The following PCDHGA1 variants were observed in gnomAD, a reference collection of about 807,000 sequenced individuals.
PCDHGA1 encodes protocadherin gamma subfamily A, 1, also known as protocadherin gamma-A1.
A neutral mutation model predicts 58.0 loss-of-function variants in PCDHGA1; 32 were observed. That is an observed-to-expected ratio of 0.55 (90% CI 0.42 to 0.74). PCDHGA1 has a LOEUF of 0.74. Among genes scored for constraint, PCDHGA1 ranks in the 30% least tolerant of loss-of-function variants. The pLI, the probability that PCDHGA1 is intolerant of heterozygous loss-of-function variation, is 0.00. For synonymous variants in PCDHGA1, 498 were observed against 501.1 expected (o/e 0.99, Z 0.08); for missense variants, 1,205 against 1,182.3 (o/e 1.02, Z -0.28).
Position 141,486,446 on chromosome 5 carries a change from G to T in PCDHGA1, c.2422-8361G>T. ...GGCCAAATCTAGCTATGACATCATGGTCACTGCTTCTGATGCTGGGAACCC... is the reference window on the plus strand; with the variant it reads ...GGCCAAATCTAGCTATGACATCATGTTCACTGCTTCTGATGCTGGGAACCC... On this transcript the variant is annotated intron_variant, in intron 1 of 3. Coordinates refer to ENST00000517417, the MANE Select transcript of PCDHGA1 (RefSeq NM_018912.3). The surrounding 1 kb of genome is among the most constrained non-coding windows in gnomAD (Gnocchi z 5.0). 2 of 1,614,126 alleles carry T rather than the reference G, an allele frequency of 1.2e-6. No individual in the cohort carries two copies. Among genetic ancestry groups the T allele is most frequent in the Non-Finnish European group, 1.7e-6 (2 of 1,180,004 alleles).
chr5:141,374,114 A>G, intron 1 of PCDHGA1: 1 of 1,580,920 alleles, frequency 6.3e-7, no homozygotes, highest in Non-Finnish European at 8.6e-7. Flanking sequence ...TCCGCAGCGC[A>G]GCGAGCAGGT....
At chr5:141,483,737 G>A (rs1052778197) in intron 1 of PCDHGA1, among the ~76,000 whole-genome samples, 4 of 152,102 alleles carry the variant, frequency 2.6e-5, no homozygotes, top group South Asian at 2.1e-4. Context: ...TAGTCAAAAG[G>A]ATATTCCTGA....
chr5:141,400,491 T>A, intron 1 of PCDHGA1: 1 of 1,614,080 alleles, frequency 6.2e-7, no homozygotes, highest in Non-Finnish European at 8.5e-7. Flanking sequence ...TTCCACTTTG[T>A]AATTCCAGCG....
intron 2 of PCDHGA1, among the ~76,000 whole-genome samples, chr5:141,500,812 T>C: frequency 6.6e-6 from 1 of 152,322 alleles, no homozygotes; most frequent in South Asian, 2.1e-4. Flanking sequence ...CATATGAATA[T>C]ACATATTATT....
In PCDHGA1 at chr5:141,431,777, G is replaced by C. The variant is rs151011884; in HGVS notation, c.2422-63030G>C. 1.2e-6 allele frequency: 2 copies of C among 1,614,188 alleles called. No individual in the cohort carries two copies. The highest frequency in any genetic ancestry group is 4.5e-5 in the East Asian group (2 of 44,870). ...CAAAGTCCTGATCACTGTTCTGGAC[G>C]TGAACGACAATGCCCCAGAAGTGGT... On this transcript the variant is annotated intron_variant, in intron 1 of 3. Coordinates refer to ENST00000517417, the MANE Select transcript of PCDHGA1 (RefSeq NM_018912.3). The surrounding 1 kb of genome is among the most constrained non-coding windows in gnomAD (Gnocchi z 4.8).
At chr5:141,352,462 G>T (rs757771594) in intron 1 of PCDHGA1, 2 of 1,613,998 alleles carry the variant, frequency 1.2e-6, no homozygotes, top group East Asian at 2.2e-5. Context: ...CTGGGCCCGG[G>T]GTTCCTCCCA....
At chr5:141,419,652 CG>C (rs767047378) in intron 1 of PCDHGA1, 3 of 1,612,590 alleles carry the variant, frequency 1.9e-6, no homozygotes, top group Non-Finnish European at 1.7e-6. Context: ...GACGCGGACT[CG>C]GGGCACAATG....
At position 141,384,205 on chromosome 5, in the gene PCDHGA1, A is replaced by G. The variant is rs537255250; in HGVS notation, c.2421+51100A>G. 3.1e-6 allele frequency: 5 copies of G among 1,613,874 alleles called. No homozygotes were observed. In the African/African-American group the frequency reaches 4.0e-5, roughly 13 times the overall value. On this transcript the variant is annotated intron_variant, in intron 1 of 3. Transcript: ENST00000517417. ...TGGAACTCCTCCCTTGTCCAGGGAAACTCACATATTCATGCAGGTGGCAGA... is the reference window on the plus strand; with the variant it reads ...TGGAACTCCTCCCTTGTCCAGGGAAGCTCACATATTCATGCAGGTGGCAGA...
At position 141,351,884 on chromosome 5, in the gene PCDHGA1, G is replaced by A. The variant is rs755575621; in HGVS notation, c.2421+18779G>A. On this transcript the variant is annotated intron_variant, in intron 1 of 3. Coordinates refer to ENST00000517417, the MANE Select transcript of PCDHGA1 (RefSeq NM_018912.3). ...GGGCTCCCCCGCGCTCAGCGCCAAC[G>A]TGAGCCTGCGCGTGTTGGTGGGCGA... 6.8e-6 allele frequency: 11 copies of A among 1,613,248 alleles called. No individual in the cohort carries two copies. In the East Asian group the frequency reaches 1.8e-4, roughly 26 times the overall value.
At chr5:141,403,724 G>A (rs373210176) in intron 1 of PCDHGA1, 2 of 1,613,924 alleles carry the variant, frequency 1.2e-6, no homozygotes, top group Non-Finnish European at 1.7e-6. Flanking sequence ...CGTGCCCCCA[G>A]GCACCTGGCT....
chr5:141,350,560 A>C (rs769443281), intron 1 of PCDHGA1: 29 of 1,613,916 alleles, frequency 1.8e-5, no homozygotes, highest in African/African-American at 1.5e-4. Context: ...TTGAGTGTGC[A>C]CTAGAATTCG....
Position 141,408,343 on chromosome 5 carries a change from G to A in PCDHGA1, c.2421+75238G>A, listed in dbSNP as rs780878986. On this transcript the variant is annotated intron_variant, in intron 1 of 3. Transcript: ENST00000517417. Reference sequence around the variant, plus strand: ...AGGAGCTGGCCAAGGGCTCGGTGGTGGGGAACCTCGCTAAGGATCTAGGGC... The same window carrying A: ...AGGAGCTGGCCAAGGGCTCGGTGGTAGGGAACCTCGCTAAGGATCTAGGGC... The A allele has an allele frequency of 1.9e-6, 3 of 1,613,924 alleles. No individual in the cohort carries two copies. In the South Asian group the frequency reaches 3.3e-5, roughly 18 times the overall value.
chr5:141,394,802 C>A, intron 1 of PCDHGA1: 1 of 1,613,810 alleles, frequency 6.2e-7, no homozygotes, highest in East Asian at 2.2e-5. Context: ...TCACCGTAGC[C>A]GTGGCTGACA....
intron 1 of PCDHGA1, chr5:141,361,833 G>A (rs376471858): frequency 1.3e-4 from 207 of 1,612,780 alleles, no homozygotes; most frequent in Non-Finnish European, 1.7e-4. Flanking sequence ...TGTACCCCGC[G>A]CTGGGGCCTG....
Position 141,334,467 on chromosome 5 carries a change from C to G in PCDHGA1, c.2421+1362C>G, listed in dbSNP as rs553079909. Reference sequence around the variant, plus strand: ...CGGCCTGCGACTGTAGTCCCAGCTACGCGGGGCGGGGAGGGGCGGGGCGGG... The same window carrying G: ...CGGCCTGCGACTGTAGTCCCAGCTAGGCGGGGCGGGGAGGGGCGGGGCGGG... On this transcript the variant is annotated intron_variant, in intron 1 of 3. Coordinates refer to ENST00000517417, the MANE Select transcript of PCDHGA1 (RefSeq NM_018912.3). This position sits in a 1 kb window ranked among gnomAD's most constrained non-coding sequence, Gnocchi z 4.6. 4 of 118,606 alleles carry G rather than the reference C, an allele frequency of 3.4e-5. No homozygotes were observed. In the South Asian group the frequency reaches 1.2e-3, roughly 36 times the overall value. The allele number at this position is 118,606 out of a possible 1,614,324, so 7.3% of individuals were successfully genotyped here.
intron 1 of PCDHGA1, chr5:141,374,142 TG>T (rs1770186580): frequency 6.2e-7 from 1 of 1,610,196 alleles, no homozygotes; most frequent in Non-Finnish European, 8.5e-7. Flanking sequence ...CTCACGCTCC[TG>T]GGGACGCTGT....
chr5:141,470,452 G>A (rs981528762), intron 1 of PCDHGA1, among the ~76,000 whole-genome samples: 1 of 152,130 alleles, frequency 6.6e-6, no homozygotes, highest in Admixed American at 6.5e-5. Flanking sequence ...ATAGCATCTT[G>A]AATAGGATTT....
chr5:141,476,929 G>T lies in PCDHGA1; in HGVS notation c.2422-17878G>T, dbSNP rs1375082202. 6.2e-7 allele frequency: 1 copy of T among 1,614,136 alleles called. No homozygotes were observed. Among genetic ancestry groups the T allele is most frequent in the Admixed American group, 1.7e-5 (1 of 60,034 alleles). On this transcript the variant is annotated intron_variant, in intron 1 of 3. Transcript: ENST00000517417. This position sits in a 1 kb window ranked among gnomAD's most constrained non-coding sequence, Gnocchi z 7.6. ...TGGTACAAGTCCTTGCAACGGATCT[G>T]GATGAAGGCCCCAACGGTGAAATTA...
Position 141,489,592 on chromosome 5 carries a change from C to T in PCDHGA1, c.2422-5215C>T, listed in dbSNP as rs747085985. 1.3e-5 allele frequency: 21 copies of T among 1,613,928 alleles called. No individual in the cohort carries two copies. The East Asian group carries it at 1.6e-4, about 12-fold the overall frequency. ...GACTGAACACCCCCTGGAGCTAATC[C>T]GTGTAGAGGTAGAGATCCTGGATCT... is the stretch of plus-strand genomic sequence containing the variant. On this transcript the variant is annotated intron_variant, in intron 1 of 3. Transcript: ENST00000517417. This position sits in a 1 kb window ranked among gnomAD's most constrained non-coding sequence, Gnocchi z 4.5.
Sources: gnomAD v4.1 joint callset for allele counts (sites outside exome capture counted in the v4.1 genomes callset) on GRCh38, gnomAD v4.1.1 for gene constraint, Gnocchi (gnomAD v3.1) non-coding constraint, MANE v1.5 for transcripts, NCBI Gene and HGNC (gene_info 2026-07-23, HGNC 2026-07-21) for gene names.